Variants in MEF2C observed in about 807,000 individuals in gnomAD.
MEF2C encodes myocyte enhancer factor 2C.
A neutral mutation model predicts 50.5 loss-of-function variants in MEF2C; 6 were observed. That is an observed-to-expected ratio of 0.12 (90% CI 0.07 to 0.23). The LOEUF (loss-of-function observed/expected upper bound fraction) is 0.23. Ranked by LOEUF, MEF2C falls within the 10% of genes least tolerant of loss-of-function variation. The pLI, the probability that MEF2C is intolerant of heterozygous loss-of-function variation, is 1.00. For synonymous variants in MEF2C, 183 were observed against 228.0 expected (o/e 0.80, Z 1.78); for missense variants, 276 against 605.0 (o/e 0.46, Z 5.70).
intron 3 of MEF2C, chr5:88,768,695 A>C (rs1781076716): frequency 1.0e-6 from 1 of 985,150 alleles, no homozygotes; most frequent in African/African-American, 1.7e-5. Flanking sequence ...AGAATGTTCA[A>C]ATGTTAGAGG....
chr5:88,780,336 A>C (rs1415770025), intron 3 of MEF2C, among the ~76,000 whole-genome samples: 2 of 152,128 alleles, frequency 1.3e-5, no homozygotes, highest in Admixed American at 1.3e-4. Flanking sequence ...CAGAACTATA[A>C]ATTTGTTGTA....
intron 4 of MEF2C, among the ~76,000 whole-genome samples, chr5:88,754,569 G>A (rs2152552201): frequency 1.3e-5 from 2 of 152,246 alleles, no homozygotes; most frequent in East Asian, 3.9e-4. Context: ...TCCTTAGGGA[G>A]CATTTTGGAA....
chr5:88,752,621 A>G, intron 4 of MEF2C: 1 of 985,260 alleles, frequency 1.0e-6, no homozygotes, highest in Non-Finnish European at 1.2e-6. Flanking sequence ...ATCATTCAAT[A>G]ATTCACATTT....
At chr5:88,816,852 A>G (rs558561008) in intron 2 of MEF2C, among the ~76,000 whole-genome samples, 1 of 152,100 alleles carries the variant, frequency 6.6e-6, no homozygotes, top group South Asian at 2.1e-4. Flanking sequence ...CATCATTATT[A>G]TGAGGTATTT....
chr5:88,766,409 T>A (rs1780066235), intron 3 of MEF2C, among the ~76,000 whole-genome samples: 1 of 152,204 alleles, frequency 6.6e-6, no homozygotes, highest in Non-Finnish European at 1.5e-5. Context: ...TTAAAAAATT[T>A]TTTCCTTTTA....
At chr5:88,791,618 T>C (rs567930307) in intron 3 of MEF2C, among the ~76,000 whole-genome samples, 6 of 152,106 alleles carry the variant, frequency 3.9e-5, no homozygotes, top group Non-Finnish European at 7.4e-5. Flanking sequence ...TTATAAAACA[T>C]GTAAATTAAG....
chr5:88,847,436 A>G (rs1451362973), intron 1 of MEF2C, among the ~76,000 whole-genome samples: 1 of 152,152 alleles, frequency 6.6e-6, no homozygotes, highest in Non-Finnish European at 1.5e-5. Flanking sequence ...AAATTTAGCA[A>G]TTTCAATTTT....
chr5:88,799,830 T>A (rs915513160), intron 3 of MEF2C, among the ~76,000 whole-genome samples: 1 of 151,252 alleles, frequency 6.6e-6, no homozygotes, highest in African/African-American at 2.4e-5. Flanking sequence ...CTTCTCTCCA[T>A]CTCCCTATGT....
At chr5:88,794,552 G>A (rs935327846) in intron 3 of MEF2C, among the ~76,000 whole-genome samples, 1 of 152,166 alleles carries the variant, frequency 6.6e-6, no homozygotes, top group African/African-American at 2.4e-5. Context: ...CCCTTTGTCA[G>A]AGGGATAGAT....
rs988009159 is a variant in MEF2C, at chr5:88,780,939, A to G, written c.259-19611T>C. ...AGTAGTTCAAAGGGGACACCAGGAA[A>G]TAAATTATATCCTAATGCTATCTAC... On this transcript the variant is annotated intron_variant, in intron 3 of 10. Coordinates refer to ENST00000504921, the MANE Select transcript of MEF2C (RefSeq NM_002397.5). The G allele has an allele frequency of 5.1e-6, 5 of 985,196 alleles. No homozygotes were observed. The South Asian group carries it at 2.3e-4, about 46-fold the overall frequency. 61.0% of individuals were successfully genotyped at this position (985,196 alleles called of 1,614,324 possible). A position where few individuals can be genotyped will look rare whatever the true frequency, so the allele number is the denominator to read the frequency against.
chr5:88,802,806 T>G (rs1460851680), intron 3 of MEF2C, among the ~76,000 whole-genome samples: 1 of 152,220 alleles, frequency 6.6e-6, no homozygotes, highest in African/African-American at 2.4e-5. Flanking sequence ...AGAAAAACCC[T>G]CAGAAGATGA....
intron 2 of MEF2C, among the ~76,000 whole-genome samples, chr5:88,819,144 TTGTG>T (rs1359242331): frequency 6.6e-6 from 1 of 151,918 alleles, no homozygotes; most frequent in Non-Finnish European, 1.5e-5. Context: ...AGAACGAAGT[TTGTG>T]TGTCTCTAAA....
At chr5:88,892,799 T>C (rs893148650) in intron 1 of MEF2C, among the ~76,000 whole-genome samples, 2 of 152,196 alleles carry the variant, frequency 1.3e-5, no homozygotes, top group Non-Finnish European at 2.9e-5. Context: ...AAGATGACAT[T>C]GATATCTTCA....
intron 1 of MEF2C, among the ~76,000 whole-genome samples, chr5:88,836,143 A>G (rs1388078092): frequency 6.6e-6 from 1 of 152,190 alleles, no homozygotes; most frequent in Non-Finnish European, 1.5e-5. Flanking sequence ...ATGAACACTT[A>G]TCGATTTTCA....
chr5:88,758,925 C>G (rs944063952), intron 4 of MEF2C, among the ~76,000 whole-genome samples: 7 of 152,196 alleles, frequency 4.6e-5, no homozygotes, highest in African/African-American at 1.4e-4. Context: ...TTACATGTCT[C>G]TCTCCCTAAA....
intron 2 of MEF2C, among the ~76,000 whole-genome samples, chr5:88,814,443 T>C (rs1804376994): frequency 6.6e-6 from 1 of 152,118 alleles, no homozygotes; most frequent in Admixed American, 6.5e-5. Flanking sequence ...CTTGTAACCC[T>C]CCAGCATAAC....
intron 2 of MEF2C, among the ~76,000 whole-genome samples, chr5:88,819,677 T>C (rs1807326174): frequency 6.6e-6 from 1 of 152,028 alleles, no homozygotes; most frequent in Non-Finnish European, 1.5e-5. Context: ...ATTTTTGTTA[T>C]ATATTTTTAT....
In MEF2C at chr5:88,790,469, A is replaced by G. The variant is rs1436435394; in HGVS notation, c.258+14129T>C. Among the ~76,000 whole-genome samples the G allele has an allele frequency of 3.3e-5, 5 of 152,312 alleles. 1 individual carries two copies. The highest frequency in any genetic ancestry group is 3.3e-4 in the Admixed American group (5 of 15,298). ...ACTCTGGTGATTCACACTGGGCCAC[A>G]GGCATTTCATTTGACCCAATACTGG... On this transcript the variant is annotated intron_variant, in intron 3 of 10. Coordinates refer to ENST00000504921, the MANE Select transcript of MEF2C (RefSeq NM_002397.5).
rs147480889 is a variant in MEF2C at position 88,749,837 on chromosome 5, T to C, written c.590-720A>G. 6.1e-3 allele frequency among the ~76,000 whole-genome samples: 927 copies of C among 152,268 alleles called. 3 individuals carry two copies. Among genetic ancestry groups the C allele is most frequent in the Admixed American group, 0.011 (172 of 15,288 alleles). ...CGAGGTCAGGAGATAGAGACCATCC[T>C]GGCTAACACGGTGAAACCCTGTCTC... On this transcript the variant is annotated intron_variant, in intron 5 of 10. Transcript: ENST00000504921.
Sources: gnomAD v4.1 joint callset for allele counts (sites outside exome capture counted in the v4.1 genomes callset) on GRCh38, gnomAD v4.1.1 for gene constraint, MANE v1.5 for transcripts, NCBI Gene and HGNC (gene_info 2026-07-23, HGNC 2026-07-21) for gene names.